The following ANKRD36C variants were observed in gnomAD, a reference collection of about 807,000 sequenced individuals.
ANKRD36C encodes ankyrin repeat domain-containing protein 36C.
Under a neutral mutation model 276.4 loss-of-function variants are expected in ANKRD36C, and 61 were observed. The ratio of observed to expected loss-of-function variants is 0.22; its 90% CI spans 0.18 to 0.27. The LOEUF (loss-of-function observed/expected upper bound fraction) is 0.27. Among genes scored for constraint, ANKRD36C ranks in the 10% least tolerant of loss-of-function variants. The pLI, the probability that ANKRD36C is intolerant of heterozygous loss-of-function variation, is 1.00. For missense variants in ANKRD36C, 1,447 were observed against 2,032.3 expected, an observed-to-expected ratio of 0.71 and a Z score of 5.54; for synonymous variants, 483 against 680.1, an observed-to-expected ratio of 0.71 and a Z score of 4.51.
intron 12 of ANKRD36C, among the ~76,000 whole-genome samples, chr2:95,957,038 G>C (rs972337986): frequency 6.6e-6 from 1 of 152,020 alleles, no homozygotes; most frequent in African/African-American, 2.4e-5. Context: ...CATGTAGGCA[G>C]GGCTCGGTGG....
intron 42 of ANKRD36C, among the ~76,000 whole-genome samples, 157 bp downstream of exon 48, chr2:95,908,345 G>A (rs181330156): frequency 6.6e-6 from 1 of 150,940 alleles, no homozygotes; most frequent in Non-Finnish European, 1.5e-5. Context: ...CAGACCAGCA[G>A]CATCATCATC....
At chr2:95,915,688 G>C (rs1408673560) in intron 38 of ANKRD36C, among the ~76,000 whole-genome samples, 4 of 151,432 alleles carry the variant, frequency 2.6e-5, no homozygotes, top group African/African-American at 7.3e-5. Context: ...TTAATGAAAA[G>C]ATGCTACAGA....
At chr2:95,925,645 T>C (rs1318632125) in intron 28 of ANKRD36C, 98 bp from the exon 29 acceptor site, 4 of 1,255,232 alleles carry the variant, frequency 3.2e-6, no homozygotes, top group Non-Finnish European at 4.4e-6. Flanking sequence ...TCCTCCCACC[T>C]GCACTAGTGT....
At chr2:95,940,279 C>T (rs1259512033) in intron 20 of ANKRD36C, among the ~76,000 whole-genome samples, 16 of 150,122 alleles carry the variant, frequency 1.1e-4, no homozygotes, top group African/African-American at 4.1e-4. Context: ...GCCTCAGCCT[C>T]CCAAAGTGCT....
chr2:95,942,133 C>A (rs1321215046), intron 19 of ANKRD36C, among the ~76,000 whole-genome samples: 3 of 151,886 alleles, frequency 2.0e-5, no homozygotes, highest in African/African-American at 7.3e-5. Context: ...TGGGTAAATA[C>A]ATTTGGAGTA....
intron 6 of ANKRD36C, among the ~76,000 whole-genome samples, chr2:95,977,205 T>C (rs867214393): frequency 1.3e-5 from 2 of 152,114 alleles, no homozygotes; most frequent in Non-Finnish European, 2.9e-5. Flanking sequence ...GTACACAACC[T>C]GGAAACCTAT....
chr2:95,967,993 G>A (rs749161861), intron 6 of ANKRD36C, among the ~76,000 whole-genome samples: 11 of 152,094 alleles, frequency 7.2e-5, no homozygotes, highest in Non-Finnish European at 1.5e-4. Flanking sequence ...TCGGGAGGCC[G>A]AAACATGAGA....
At position 95,912,239 on chromosome 2, in the gene ANKRD36C, A is replaced by G. The variant is rs550924734; in HGVS notation, c.2653+5T>C. The G allele has an allele frequency of 6.0e-5, 93 of 1,546,392 alleles. No individual in the cohort carries two copies. The East Asian group carries it at 6.6e-4, about 11-fold the overall frequency. ...CATGACATTAAATGTGTTTTGCAAAATTACCTGTCCTAGATGTTTCTCCAT... is the reference window on the plus strand; with the variant it reads ...CATGACATTAAATGTGTTTTGCAAAGTTACCTGTCCTAGATGTTTCTCCAT... On this transcript the variant is annotated splice_donor_5th_base_variant and intron_variant, in intron 42 of 66. Coordinates refer to ENST00000456556, the Ensembl canonical transcript of ANKRD36C.
rs575246639 is a variant in ANKRD36C at position 95,928,726 on chromosome 2, C to T, written c.1837+346G>A. Among the ~76,000 whole-genome samples, 9 of 151,380 alleles carry T rather than the reference C, an allele frequency of 5.9e-5. No homozygotes were observed. In the East Asian group the frequency reaches 1.4e-3, roughly 23 times the overall value. On this transcript the variant is annotated intron_variant, in intron 26 of 66. Coordinates refer to ENST00000456556, the Ensembl canonical transcript of ANKRD36C. ...TGTTTATAACAATATGATATGATGC[C>T]TATAATATCTATTACTTCATCTCGT...
chr2:95,916,920 G>C (rs2104412566), intron 36 of ANKRD36C, among the ~76,000 whole-genome samples: 1 of 151,724 alleles, frequency 6.6e-6, no homozygotes, highest in South Asian at 2.1e-4. Context: ...ACAAGCGTTA[G>C]ATATTGAGCA....
chr2:95,896,812 T>C (rs1676564368), intron 44 of ANKRD36C, among the ~76,000 whole-genome samples: 1 of 149,972 alleles, frequency 6.7e-6, no homozygotes, highest in Non-Finnish European at 1.5e-5. Context: ...TGCCTCACAA[T>C]CCATCTCCCT....
intron 19 of ANKRD36C, among the ~76,000 whole-genome samples, chr2:95,942,434 G>A (rs1406840453): frequency 6.6e-6 from 1 of 151,714 alleles, no homozygotes; most frequent in East Asian, 1.9e-4. Flanking sequence ...ATAATTCAAG[G>A]TATCCTAAGA....
intron 42 of ANKRD36C, among the ~76,000 whole-genome samples, chr2:95,902,515 ATCT>A (rs1676683467): frequency 6.7e-6 from 1 of 150,172 alleles, no homozygotes; most frequent in Non-Finnish European, 1.5e-5. Context: ...CAAGCTTTCT[ATCT>A]TTTCTTGGCA....
chr2:95,986,854 T>C, exon 3 of ANKRD36C: 1 of 1,611,894 alleles, frequency 6.2e-7, no homozygotes, highest in Non-Finnish European at 8.5e-7. Flanking sequence ...TCCAAAGACA[T>C]CCGTAATATT....
intron 61 of ANKRD36C, among the ~76,000 whole-genome samples, chr2:95,859,249 G>C (rs925652825): frequency 2.6e-5 from 4 of 151,984 alleles, no homozygotes; most frequent in Non-Finnish European, 4.4e-5. Context: ...GGGCAGACTG[G>C]TCTCGAACTC....
At chr2:95,987,323 G>A (rs1315009988) in intron 1 of ANKRD36C, 117 bp from the exon 2 acceptor site, 3 of 1,448,432 alleles carry the variant, frequency 2.1e-6, no homozygotes, top group Non-Finnish European at 2.7e-6. Context: ...ATTTGTTAGC[G>A]CTTATTACCA....
exon 32 of ANKRD36C, chr2:95,923,566 G>C (rs1204474446): frequency 6.2e-7 from 1 of 1,610,182 alleles, no homozygotes; most frequent in Non-Finnish European, 8.5e-7. Flanking sequence ...GTCACTTGTA[G>C]CCTGAAAGTA....
chr2:95,916,307 T>A (rs1677095134), intron 36 of ANKRD36C, 136 bp from the exon 39 acceptor site: 1 of 1,460,896 alleles, frequency 6.8e-7, no homozygotes, highest in Non-Finnish European at 9.3e-7. Flanking sequence ...ACTTTGTGTC[T>A]GGGGACTAGA....
chr2:95,947,356 ATGTTACC>A (rs1283355508), intron 17 of ANKRD36C, among the ~76,000 whole-genome samples: 1 of 152,174 alleles, frequency 6.6e-6, no homozygotes, highest in Non-Finnish European at 1.5e-5. Context: ...CAGGCATATT[ATGTTACC>A]TGTAACATTC....
Sources: allele counts gnomAD v4.1 joint callset (sites outside exome capture counted in the v4.1 genomes callset), GRCh38; gene constraint gnomAD v4.1.1; transcripts MANE v1.5; gene names NCBI Gene and HGNC (gene_info 2026-07-23, HGNC 2026-07-21).